Variants in MGST1 observed in about 807,000 individuals in gnomAD.
MGST1 encodes the protein glutathione S-transferase 12.
A neutral mutation model predicts 8.9 loss-of-function variants in MGST1; 5 were observed. The observed-to-expected ratio is 0.56, with a 90% CI of 0.29 to 1.19. The LOEUF (loss-of-function observed/expected upper bound fraction) is 1.19. Among genes scored for constraint, MGST1 ranks in the 50% most tolerant of loss-of-function variants. MGST1 has a pLI of 0.08. For missense variants in MGST1, 182 were observed against 187.4 expected (o/e 0.97, Z 0.17); for synonymous variants, 54 against 67.8 (o/e 0.80, Z 1.00).
Position 16,537,563 on chromosome 12 carries a change from C to T in MGST1, n.483-51965C>T, listed in dbSNP as rs561844190. Among the ~76,000 whole-genome samples the T allele has an allele frequency of 8.5e-5, 13 of 152,366 alleles. No homozygotes were observed. In the South Asian group the frequency reaches 2.5e-3, roughly 29 times the overall value. On this transcript the variant is annotated intron_variant and non_coding_transcript_variant, in intron 4 of 4. Transcript: ENST00000538857. This position sits in a 1 kb window ranked among gnomAD's most constrained non-coding sequence, Gnocchi z 4.6. ...CTCCATGAGGGCCCTGCCTCTGCAG[C>T]ACACTTTTGCCTGGACATTCAGGCA...
rs1591808859 is a variant in MGST1, at chr12:16,582,721, T to A, written n.483-6807T>A. On this transcript the variant is annotated intron_variant and non_coding_transcript_variant, in intron 4 of 4. Transcript: ENST00000538857. This position sits in a 1 kb window ranked among gnomAD's most constrained non-coding sequence, Gnocchi z 4.1. ...TCCTAGGTACGGTCCCTCACTCTTTTAAGTATCTGATTGGGATGAGACGCC... is the reference window on the plus strand; with the variant it reads ...TCCTAGGTACGGTCCCTCACTCTTTAAAGTATCTGATTGGGATGAGACGCC... Among the ~76,000 whole-genome samples the A allele has an allele frequency of 6.6e-6, 1 of 152,166 alleles. No individual in the cohort carries two copies. Among genetic ancestry groups the A allele is most frequent in the Non-Finnish European group, 1.5e-5 (1 of 68,028 alleles).
chr12:16,483,967 T>C (rs1271005004), intron 4 of MGST1, among the ~76,000 whole-genome samples: 6 of 152,158 alleles, frequency 3.9e-5, no homozygotes, highest in African/African-American at 1.4e-4. Flanking sequence ...AATATAAACA[T>C]ATTTCAAAAA....
chr12:16,482,976 C>T lies in MGST1; in HGVS notation n.482+99372C>T, dbSNP rs949451338. On this transcript the variant is annotated intron_variant and non_coding_transcript_variant, in intron 4 of 4. Transcript: ENST00000538857. The surrounding 1 kb of genome is among the most constrained non-coding windows in gnomAD (Gnocchi z 4.2). ...AAGACTAATGTAGGCAAGAATGTTA[C>T]TTTTGGAAGGGATCCATTCTGTCAT... Among the ~76,000 whole-genome samples, 1 of 152,250 alleles carries T rather than the reference C, an allele frequency of 6.6e-6. No individual in the cohort carries two copies. The highest frequency in any genetic ancestry group is 2.4e-5 in the African/African-American group (1 of 41,560).
chr12:16,546,602 T>C lies in MGST1; in HGVS notation n.483-42926T>C, dbSNP rs534720262. ...TTCCTTTTCAGAAAACAGAATTCTT[T>C]TAATTAAAAACATTTTTAAAAAGTT... On this transcript the variant is annotated intron_variant and non_coding_transcript_variant, in intron 4 of 4. Transcript: ENST00000538857. This position sits in a 1 kb window ranked among gnomAD's most constrained non-coding sequence, Gnocchi z 4.7. Among the ~76,000 whole-genome samples, 1 of 152,274 alleles carries C rather than the reference T, an allele frequency of 6.6e-6. No individual in the cohort carries two copies. The highest frequency in any genetic ancestry group is 2.1e-4 in the South Asian group (1 of 4,834).
intron 1 of MGST1, among the ~76,000 whole-genome samples, chr12:16,408,344 CAA>C (rs1940713970): frequency 6.6e-6 from 1 of 152,130 alleles, no homozygotes; most frequent in Non-Finnish European, 1.5e-5. Context: ...ACTTATGTAA[CAA>C]ATCTGCACAT....
intron 4 of MGST1, chr12:16,549,299 C>G (rs184024917): frequency 3.3e-5 from 5 of 152,202 alleles, no homozygotes; most frequent in Non-Finnish European, 7.4e-5. Flanking sequence ...CAAATAGCTA[C>G]TTTTGAATTT....
At position 16,537,302 on chromosome 12, in the gene MGST1, G is replaced by A. The variant is rs927864583; in HGVS notation, n.483-52226G>A. ...AAGAGGTAGGTTCCCATAGTCTTGG[G>A]CAACTCCACCCCTATGGCTTTGCAG... On this transcript the variant is annotated intron_variant and non_coding_transcript_variant, in intron 4 of 4. Transcript: ENST00000538857. This position sits in a 1 kb window ranked among gnomAD's most constrained non-coding sequence, Gnocchi z 4.6. Among the ~76,000 whole-genome samples, 2 of 152,206 alleles carry A rather than the reference G, an allele frequency of 1.3e-5. No individual in the cohort carries two copies. Among genetic ancestry groups the A allele is most frequent in the African/African-American group, 4.8e-5 (2 of 41,450 alleles).
chr12:16,460,582 A>G (rs893031450), intron 4 of MGST1, among the ~76,000 whole-genome samples: 4 of 145,958 alleles, frequency 2.7e-5, no homozygotes, highest in Non-Finnish European at 4.5e-5. Context: ...TTGTGTAGGC[A>G]TCTAATTCAG....
chr12:16,481,703 AAG>A (rs1463281702), intron 4 of MGST1, among the ~76,000 whole-genome samples: 1 of 152,160 alleles, frequency 6.6e-6, no homozygotes, highest in African/African-American at 2.4e-5. Context: ...ATACAGCACA[AAG>A]AGAAAAAGGG....
chr12:16,563,388 T>C (rs1228058465), intron 4 of MGST1, among the ~76,000 whole-genome samples: 4 of 152,204 alleles, frequency 2.6e-5, no homozygotes, highest in African/African-American at 9.6e-5. Context: ...TTTTCAAATG[T>C]ATAATGTTAT....
rs1454886143 is a variant in MGST1, at chr12:16,585,654, T to G, written n.483-3874T>G. Among the ~76,000 whole-genome samples, 1 of 152,172 alleles carries G rather than the reference T, an allele frequency of 6.6e-6. No individual in the cohort carries two copies. The highest frequency in any genetic ancestry group is 2.4e-5 in the African/African-American group (1 of 41,440). ...TTGAAGTCCACCCATTCCAATTATT[T>G]AAGTGATTTCATTTGAATGATGTCA... On this transcript the variant is annotated intron_variant and non_coding_transcript_variant, in intron 4 of 4. Transcript: ENST00000538857. The surrounding 1 kb of genome is among the most constrained non-coding windows in gnomAD (Gnocchi z 4.7).
chr12:16,390,537 G>A (rs1368691900), intron 1 of MGST1, among the ~76,000 whole-genome samples: 2 of 152,154 alleles, frequency 1.3e-5, no homozygotes, highest in Admixed American at 1.3e-4. Flanking sequence ...TTATAAGTGA[G>A]GATATGCAGT....
chr12:16,557,501 A>G (rs1002055643), intron 4 of MGST1, among the ~76,000 whole-genome samples: 1 of 151,996 alleles, frequency 6.6e-6, no homozygotes, highest in Non-Finnish European at 1.5e-5. Context: ...TGTACAGCAT[A>G]TGCCTTCAAA....
At chr12:16,469,970 C>T (rs967274618) in intron 4 of MGST1, among the ~76,000 whole-genome samples, 21 of 152,162 alleles carry the variant, frequency 1.4e-4, no homozygotes, top group East Asian at 3.9e-4. Context: ...TTTATATATA[C>T]GGCAAAAGAG....
chr12:16,436,329 G>T (rs1940986630), intron 1 of MGST1, among the ~76,000 whole-genome samples: 1 of 151,936 alleles, frequency 6.6e-6, no homozygotes, highest in Non-Finnish European at 1.5e-5. Flanking sequence ...ACTTAGGCAA[G>T]CTGTGACATA....
intron 1 of MGST1, among the ~76,000 whole-genome samples, chr12:16,418,160 T>C (rs1423681928): frequency 1.3e-5 from 2 of 152,202 alleles, no homozygotes; most frequent in African/African-American, 2.4e-5. Context: ...ATGTGTGTCA[T>C]GACACTTAAT....
intron 4 of MGST1, among the ~76,000 whole-genome samples, chr12:16,572,265 A>G (rs574293511): frequency 6.6e-6 from 1 of 150,412 alleles, no homozygotes; most frequent in East Asian, 2.0e-4. Context: ...AAACCTGTAG[A>G]TTACATATTT....
At chr12:16,400,902 A>G in intron 1 of MGST1, 1 of 1,232,692 alleles carries the variant, frequency 8.1e-7, no homozygotes, top group Non-Finnish European at 1.2e-6. Context: ...GACACATTAG[A>G]TTTGTGAGCT....
intron 4 of MGST1, among the ~76,000 whole-genome samples, chr12:16,569,946 G>C (rs1942757080): frequency 6.6e-6 from 1 of 152,190 alleles, no homozygotes; most frequent in East Asian, 1.9e-4. Context: ...TTTAAGGTAA[G>C]TTTATAATGA....
Sources: gnomAD v4.1 joint callset for allele counts (sites outside exome capture counted in the v4.1 genomes callset) on GRCh38, gnomAD v4.1.1 for gene constraint, Gnocchi (gnomAD v3.1) non-coding constraint, MANE v1.5 for transcripts, NCBI Gene and HGNC (gene_info 2026-07-23, HGNC 2026-07-21) for gene names.